Variants in SGCD observed in about 807,000 individuals in gnomAD.
SGCD encodes the protein delta-sarcoglycan.
A neutral mutation model predicts 36.6 loss-of-function variants in SGCD; 18 were observed. The observed-to-expected ratio is 0.49, with a 90% CI of 0.34 to 0.73. The LOEUF (loss-of-function observed/expected upper bound fraction) is 0.73. Ranked by LOEUF, SGCD falls within the 30% of genes least tolerant of loss-of-function variation. The probability of loss-of-function intolerance (pLI) is 0.01; values close to 1 mark genes in which losing one functional copy is unlikely to be tolerated. For synonymous variants in SGCD, 133 were observed against 130.6 expected (o/e 1.02, Z -0.12); for missense variants, 387 against 346.7 (o/e 1.12, Z -0.92).
At chr5:156,119,914 C>T (rs73813240) in intron 2 of SGCD, among the ~76,000 whole-genome samples, 1,837 of 152,242 alleles carry the variant, frequency 0.012, 31 homozygotes, top group African/African-American at 0.042. Context: ...TTCCCTGAAG[C>T]GTTCAAGGCC....
At chr5:156,693,998 A>G (rs911237806) in intron 7 of SGCD, among the ~76,000 whole-genome samples, 4 of 152,036 alleles carry the variant, frequency 2.6e-5, no homozygotes, top group Non-Finnish European at 5.9e-5. Flanking sequence ...GGTGCCCTTT[A>G]TCATTGTACT....
At chr5:155,760,153 T>A in the SGCD span, among the ~76,000 whole-genome samples, 3 of 146,718 alleles carry the variant, frequency 2.0e-5, no homozygotes, top group Non-Finnish European at 4.5e-5. Context: ...CTCTCTATCA[T>A]CCTCACCATC....
chr5:155,782,640 C>T, the SGCD span, among the ~76,000 whole-genome samples: 3,360 of 152,178 alleles, frequency 0.022, 68 homozygotes, highest in East Asian at 0.13. Flanking sequence ...TGTAGAATGG[C>T]CTGTTATGAG....
At chr5:156,504,106 A>C (rs1037514639) in intron 3 of SGCD, among the ~76,000 whole-genome samples, 2 of 151,814 alleles carry the variant, frequency 1.3e-5, no homozygotes, top group African/African-American at 4.8e-5. Flanking sequence ...CAGGAGGCTG[A>C]GGTAGGAGAA....
the SGCD span, among the ~76,000 whole-genome samples, chr5:155,835,068 C>T: frequency 0.051 from 6,748 of 131,748 alleles, 213 homozygotes; most frequent in Middle Eastern, 0.18. Context: ...AGAGCAGTGA[C>T]GTGATCTCGG....
intron 3 of SGCD, among the ~76,000 whole-genome samples, chr5:156,141,697 A>G (rs1258492610): frequency 6.6e-6 from 1 of 152,210 alleles, no homozygotes; most frequent in Non-Finnish European, 1.5e-5. Flanking sequence ...AAGGAAGAGA[A>G]GTGTTTGAAT....
At chr5:156,698,939 TAAAC>T (rs1236532715) in intron 7 of SGCD, among the ~76,000 whole-genome samples, 3 of 149,622 alleles carry the variant, frequency 2.0e-5, no homozygotes, top group Admixed American at 1.3e-4. Flanking sequence ...GCTTAAAAAT[TAAAC>T]AAACCAAAGA....
chr5:156,222,986 C>T (rs1764756040), intron 3 of SGCD, among the ~76,000 whole-genome samples: 1 of 152,090 alleles, frequency 6.6e-6, no homozygotes, highest in South Asian at 2.1e-4. Flanking sequence ...ACATTGACCT[C>T]CCCCTACCCA....
intron 3 of SGCD, among the ~76,000 whole-genome samples, chr5:156,398,075 GC>G (rs1323566509): frequency 6.6e-6 from 1 of 152,208 alleles, no homozygotes; most frequent in African/African-American, 2.4e-5. Context: ...CTGAGGCGCT[GC>G]CTGAAGTTCC....
At chr5:156,309,392 T>G (rs1767326148) in intron 3 of SGCD, among the ~76,000 whole-genome samples, 1 of 152,062 alleles carries the variant, frequency 6.6e-6, no homozygotes. Flanking sequence ...ATTGCTATAT[T>G]TTCTTCAAAA....
chr5:156,455,206 C>T (rs1200005837), intron 3 of SGCD, among the ~76,000 whole-genome samples: 1 of 152,158 alleles, frequency 6.6e-6, no homozygotes, highest in East Asian at 1.9e-4. Context: ...TGATAGGACT[C>T]ATGGAGGAAA....
At chr5:156,594,899 C>G in intron 5 of SGCD, 33 bp from the exon 6 acceptor site, 1 of 1,395,950 alleles carries the variant, frequency 7.2e-7, no homozygotes, top group Non-Finnish European at 1.0e-6. Context: ...CTCCTCTCTC[C>G]TCTCTATCTC....
At chr5:156,309,469 G>T (rs1265004035) in intron 3 of SGCD, among the ~76,000 whole-genome samples, 2 of 150,998 alleles carry the variant, frequency 1.3e-5, no homozygotes, top group African/African-American at 4.9e-5. Context: ...TTTCATTTCA[G>T]GTATTATACA....
At position 156,764,936 on chromosome 5, in the gene SGCD, T is replaced by C. The variant is rs1451327074; in HGVS notation, c.*5546T>C. 1 of 152,150 alleles carries C rather than the reference T, an allele frequency of 6.6e-6. No homozygotes were observed. The highest frequency in any genetic ancestry group is 2.4e-5 in the African/African-American group (1 of 41,442). The allele number at this position is 152,150 out of a possible 1,614,324, so 9.4% of individuals were successfully genotyped here. On this transcript the variant is annotated 3_prime_UTR_variant, in exon 9 of 9. Transcript: ENST00000337851. ...AAACAGCCACTGTAATCGAGAAGCA[T>C]GTTTACTGTCTAAATCCACCTGTTG...
chr5:155,788,860 G>A, the SGCD span, among the ~76,000 whole-genome samples: 1 of 152,088 alleles, frequency 6.6e-6, no homozygotes, highest in East Asian at 1.9e-4. Context: ...GATCAAGAAC[G>A]ATTTTAATGG....
intron 7 of SGCD, among the ~76,000 whole-genome samples, chr5:156,674,563 G>A (rs915152584): frequency 1.3e-5 from 2 of 152,088 alleles, no homozygotes. Flanking sequence ...TCAAGGCAAG[G>A]GGAGACTATC....
In SGCD at chr5:155,989,457, G is replaced by C. The variant is rs142429087; in HGVS notation, c.-282+119033G>C. ...TAACTTGGCTTTTGGGCCATTGTTT[G>C]CCAATCACAGTTCTAAATTAGATGT... On this transcript the variant is annotated intron_variant, in intron 1 of 9. Transcript: ENST00000517913. 4.0e-4 allele frequency among the ~76,000 whole-genome samples: 61 copies of C among 152,162 alleles called. 1 individual carries two copies. The East Asian group carries it at 0.011, about 28-fold the overall frequency.
chr5:156,253,138 T>C (rs976888813), intron 3 of SGCD, among the ~76,000 whole-genome samples: 4 of 152,192 alleles, frequency 2.6e-5, no homozygotes, highest in African/African-American at 9.6e-5. Context: ...ACGGAACTAA[T>C]GTCAGAGAGT....
chr5:156,672,727 G>A lies in SGCD; in HGVS notation c.575+25191G>A, dbSNP rs572850456. On this transcript the variant is annotated intron_variant, in intron 7 of 8. Coordinates refer to ENST00000337851, the MANE Select transcript of SGCD (RefSeq NM_000337.6). ...GGGTCCATTTATAGCCATTGTATGA[G>A]TGTTTCAGGAAAGAGCAGAGGTAGA... Among the ~76,000 whole-genome samples, 20 of 152,268 alleles carry A rather than the reference G, an allele frequency of 1.3e-4. No homozygotes were observed. In the South Asian group the frequency reaches 3.3e-3, roughly 25 times the overall value.
Sources: gnomAD v4.1 joint callset for allele counts (sites outside exome capture counted in the v4.1 genomes callset) on GRCh38, gnomAD v4.1.1 for gene constraint, MANE v1.5 for transcripts, NCBI Gene and HGNC (gene_info 2026-07-23, HGNC 2026-07-21) for gene names.